MRTFA: variants seen among roughly 807,000 people sequenced by gnomAD.
MRTFA encodes the protein myocardin related transcription factor A.
Under a neutral mutation model 83.5 loss-of-function variants are expected in MRTFA, and 20 were observed. That is an observed-to-expected ratio of 0.24 (90% CI 0.17 to 0.35). The LOEUF is 0.35. MRTFA is among the 10% of genes least tolerant of loss of function. The pLI is 1.00. For synonymous variants in MRTFA, 659 were observed against 541.2 expected (o/e 1.22, Z -3.02); for missense variants, 1,200 against 1,224.7 (o/e 0.98, Z 0.30).
chr22:40,475,389 T>A lies in MRTFA; in HGVS notation c.242-12103A>T, dbSNP rs189342320. On this transcript the variant is annotated intron_variant, in intron 3 of 14. Coordinates refer to ENST00000355630, the MANE Select transcript of MRTFA (RefSeq NM_020831.6). Reference sequence around the variant, plus strand: ...CCCATCTCAATTAAAATAGAAAAATTAGCCAGGCATGGTGGTGCATGCTTG... The same window carrying A: ...CCCATCTCAATTAAAATAGAAAAATAAGCCAGGCATGGTGGTGCATGCTTG... 8.9e-4 allele frequency among the ~76,000 whole-genome samples: 135 copies of A among 151,946 alleles called. 1 individual carries two copies. The Middle Eastern group carries it at 0.02, about 23-fold the overall frequency.
chr22:40,564,057 G>A (rs188629054), intron 2 of MRTFA, among the ~76,000 whole-genome samples: 9 of 152,294 alleles, frequency 5.9e-5, no homozygotes, highest in South Asian at 4.1e-4. Flanking sequence ...TCTTTGTCGC[G>A]TTAATAATGA....
At chr22:40,526,970 G>A (rs2054985959) in intron 3 of MRTFA, among the ~76,000 whole-genome samples, 1 of 151,570 alleles carries the variant, frequency 6.6e-6, no homozygotes, top group African/African-American at 2.4e-5. Context: ...CAGGGGAGGA[G>A]AAAAAAAATA....
At chr22:40,555,878 A>G (rs1380301577) in intron 2 of MRTFA, among the ~76,000 whole-genome samples, 1 of 151,968 alleles carries the variant, frequency 6.6e-6, no homozygotes, top group Non-Finnish European at 1.5e-5. Flanking sequence ...TGACCTCAAG[A>G]TCCACCCACC....
At chr22:40,560,774 T>C (rs545367200) in intron 2 of MRTFA, among the ~76,000 whole-genome samples, 49 of 152,322 alleles carry the variant, frequency 3.2e-4, no homozygotes, top group Non-Finnish European at 3.1e-4. Flanking sequence ...TTTCCCTCTT[T>C]TGCTGGCCTG....
At chr22:40,451,975 G>GTTTT (rs771103539) in intron 4 of MRTFA, among the ~76,000 whole-genome samples, 26 of 80,478 alleles carry the variant, frequency 3.2e-4, no homozygotes, top group Non-Finnish European at 3.6e-4. Context: ...TTTTTTTTTG[G>GTTTT]TTTTTTTTTT....
At chr22:40,459,630 G>A (rs1390327263) in intron 4 of MRTFA, among the ~76,000 whole-genome samples, 1 of 151,528 alleles carries the variant, frequency 6.6e-6, no homozygotes, top group Non-Finnish European at 1.5e-5. Context: ...TCCATGCCCA[G>A]AATTCCAACA....
intron 2 of MRTFA, among the ~76,000 whole-genome samples, chr22:40,590,795 G>A (rs2056109001): frequency 6.6e-6 from 1 of 151,652 alleles, no homozygotes; most frequent in Non-Finnish European, 1.5e-5. Context: ...TACCTAGTCT[G>A]TATACACACA....
chr22:40,583,124 TA>T (rs370211922), intron 2 of MRTFA, among the ~76,000 whole-genome samples: 1 of 151,982 alleles, frequency 6.6e-6, no homozygotes, highest in Non-Finnish European at 1.5e-5. Context: ...CTTCCCTGAT[TA>T]AAAAAAACAG....
chr22:40,488,589 TGAGAG>T (rs941310222), intron 3 of MRTFA, among the ~76,000 whole-genome samples: 2 of 151,994 alleles, frequency 1.3e-5, no homozygotes, highest in African/African-American at 4.8e-5. Flanking sequence ...CCCAGCTCTT[TGAGAG>T]GCCAAGGCGG....
chr22:40,442,405 T>C (rs990811659), intron 4 of MRTFA, among the ~76,000 whole-genome samples: 3 of 152,230 alleles, frequency 2.0e-5, no homozygotes, highest in African/African-American at 7.2e-5. Flanking sequence ...GGTTTCTTTT[T>C]CCAGTGTGGA....
chr22:40,595,758 A>G (rs2056183185), intron 1 of MRTFA, among the ~76,000 whole-genome samples: 1 of 152,016 alleles, frequency 6.6e-6, no homozygotes, highest in Non-Finnish European at 1.5e-5. Context: ...CTAAAGCTGG[A>G]CCTTTAAAAA....
intron 2 of MRTFA, among the ~76,000 whole-genome samples, chr22:40,583,064 A>C (rs1265126076): frequency 1.3e-5 from 2 of 152,172 alleles, no homozygotes; most frequent in Non-Finnish European, 2.9e-5. Flanking sequence ...TGGAGCTATG[A>C]AAGAGCCTGA....
chr22:40,420,481 C>T lies in MRTFA; in HGVS notation c.1277G>A (p.Cys426Tyr). 6.2e-7 allele frequency: 1 copy of T among 1,613,806 alleles called. No homozygotes were observed. Among genetic ancestry groups the T allele is most frequent in the East Asian group, 2.2e-5 (1 of 44,884 alleles). Reference sequence around the variant, plus strand: ...GGTGCTGTTCTGACGTGCCAGCCCACAGGGCCCAGGGGCGCCCGAGCTGGA... The same window carrying T: ...GGTGCTGTTCTGACGTGCCAGCCCATAGGGCCCAGGGGCGCCCGAGCTGGA... The change falls in exon 11 of 15, where the codon TGT (cysteine) becomes TAT (tyrosine). Residue 426 changes from cysteine to tyrosine, a missense_variant. Cys to Tyr is a radical substitution (Grantham distance 194). Transcript: ENST00000355630.
At chr22:40,470,278 T>C (rs1439542767) in intron 3 of MRTFA, among the ~76,000 whole-genome samples, 1 of 104,184 alleles carries the variant, frequency 9.6e-6, no homozygotes, top group Non-Finnish European at 2.0e-5. Flanking sequence ...TATATATATA[T>C]ATAAAGAAAC....
intron 5 of MRTFA, 77 bp downstream of exon 5, chr22:40,435,422 A>G: frequency 6.8e-7 from 1 of 1,473,048 alleles, no homozygotes; most frequent in Non-Finnish European, 9.5e-7. Flanking sequence ...AAAGCTCTAA[A>G]TGGAAATATA....
chr22:40,548,866 A>T (rs1026881415), intron 3 of MRTFA, among the ~76,000 whole-genome samples: 5 of 151,858 alleles, frequency 3.3e-5, no homozygotes, highest in Admixed American at 2.0e-4. Flanking sequence ...CTGTCTCAAA[A>T]ATATATATAT....
intron 3 of MRTFA, among the ~76,000 whole-genome samples, chr22:40,472,428 A>T (rs1008620210): frequency 6.6e-6 from 1 of 152,208 alleles, no homozygotes; most frequent in Non-Finnish European, 1.5e-5. Context: ...TTCCTCTGAT[A>T]CTGTTTTAAG....
At chr22:40,531,706 T>C (rs966662016) in intron 3 of MRTFA, among the ~76,000 whole-genome samples, 17 of 152,194 alleles carry the variant, frequency 1.1e-4, no homozygotes, top group African/African-American at 3.6e-4. Context: ...TTTCAGAGAA[T>C]GGCTTTTAGT....
intron 2 of MRTFA, among the ~76,000 whole-genome samples, chr22:40,582,467 C>T (rs995820890): frequency 8.5e-5 from 13 of 152,130 alleles, no homozygotes; most frequent in Non-Finnish European, 1.8e-4. Context: ...GGTAATTCTA[C>T]GTTATGCTAT....
Sources: allele counts gnomAD v4.1 joint callset (sites outside exome capture counted in the v4.1 genomes callset), GRCh38; gene constraint gnomAD v4.1.1; transcripts MANE v1.5; gene names NCBI Gene and HGNC (gene_info 2026-07-23, HGNC 2026-07-21).